The following CUL1 variants were observed in gnomAD, a reference collection of about 807,000 sequenced individuals.
CUL1 encodes cullin 1.
CUL1 carries 24 observed loss-of-function variants against 118.0 expected under a neutral mutation model. The observed-to-expected ratio is 0.20, with a 90% CI of 0.15 to 0.29. CUL1 has a LOEUF of 0.29. Among genes scored for constraint, CUL1 ranks in the 10% least tolerant of loss-of-function variants. The pLI, the probability that CUL1 is intolerant of heterozygous loss-of-function variation, is 1.00. For synonymous variants in CUL1, 332 were observed against 340.4 expected (o/e 0.98, Z 0.27); for missense variants, 361 against 933.8 (o/e 0.39, Z 7.99).
At chr7:148,742,051 T>A (rs1304521078) in intron 2 of CUL1, among the ~76,000 whole-genome samples, 1 of 152,248 alleles carries the variant, frequency 6.6e-6, no homozygotes, top group Admixed American at 6.5e-5. Context: ...CCAATGTTGT[T>A]CTTTTTGTAG....
intron 7 of CUL1, among the ~76,000 whole-genome samples, chr7:148,762,802 T>C (rs1010739705): frequency 4.6e-5 from 7 of 152,194 alleles, no homozygotes; most frequent in Admixed American, 3.9e-4. Context: ...GAAACCAGTG[T>C]TCTAGGGCAG....
At chr7:148,789,232 TA>T (rs1217999895) in intron 14 of CUL1, among the ~76,000 whole-genome samples, 3 of 152,250 alleles carry the variant, frequency 2.0e-5, no homozygotes, top group African/African-American at 7.2e-5. Flanking sequence ...AATTCTATTG[TA>T]AAACTGGACA....
At chr7:148,722,566 G>A (rs1031642258) in intron 1 of CUL1, among the ~76,000 whole-genome samples, 2 of 152,164 alleles carry the variant, frequency 1.3e-5, no homozygotes, top group Admixed American at 6.5e-5. Flanking sequence ...GTTGACAGCC[G>A]TAGACCCAGA....
chr7:148,748,622 A>G (rs989449732), intron 2 of CUL1, among the ~76,000 whole-genome samples: 3 of 152,210 alleles, frequency 2.0e-5, no homozygotes, highest in African/African-American at 7.2e-5. Flanking sequence ...CAGAAACAAT[A>G]TAGAAGATCT....
chr7:148,786,489 T>G, intron 11 of CUL1, 62 bp from the exon 12 acceptor site: 1 of 1,256,932 alleles, frequency 8.0e-7, no homozygotes, highest in Non-Finnish European at 1.2e-6. Flanking sequence ...GCATTCTGGC[T>G]AAGTGGTGCT....
chr7:148,739,984 A>G (rs765998908), intron 2 of CUL1, among the ~76,000 whole-genome samples: 10 of 151,758 alleles, frequency 6.6e-5, no homozygotes, highest in African/African-American at 2.4e-4. Flanking sequence ...CTTTTCCTCA[A>G]TGGACTGTCA....
At chr7:148,784,911 T>G (rs1313308721) in intron 11 of CUL1, among the ~76,000 whole-genome samples, 1 of 152,146 alleles carries the variant, frequency 6.6e-6, no homozygotes, top group African/African-American at 2.4e-5. Flanking sequence ...TTAAGTAAAA[T>G]ATTAACAAGC....
chr7:148,733,644 G>C (rs1162058527), intron 2 of CUL1, among the ~76,000 whole-genome samples: 1 of 151,080 alleles, frequency 6.6e-6, no homozygotes, highest in African/African-American at 2.5e-5. Flanking sequence ...GAGGTGCTTT[G>C]GACCGGGGAA....
intron 1 of CUL1, among the ~76,000 whole-genome samples, chr7:148,711,097 G>A (rs905635768): frequency 6.6e-6 from 1 of 152,110 alleles, no homozygotes; most frequent in Non-Finnish European, 1.5e-5. Flanking sequence ...ACAGATTTTT[G>A]TGAGCTCAGA....
chr7:148,790,572 A>C lies in CUL1; in HGVS notation c.1806+131A>C. ...TCTGGTGAAATAGTGGCAGGTTTAA[A>C]GCATGGAGTTGTAAGAATCAGATGA... On this transcript the variant is annotated intron_variant, in intron 16 of 21. Transcript: ENST00000325222. 3 of 765,160 alleles carry C rather than the reference A, an allele frequency of 3.9e-6. No homozygotes were observed. In the South Asian group the frequency reaches 5.6e-5, roughly 14 times the overall value. 47.4% of individuals were successfully genotyped at this position (765,160 alleles called of 1,614,324 possible).
intron 7 of CUL1, among the ~76,000 whole-genome samples, chr7:148,760,774 T>C (rs1799802651): frequency 1.3e-5 from 2 of 152,240 alleles, no homozygotes; most frequent in South Asian, 4.1e-4. Flanking sequence ...TGTGGATTTA[T>C]ATAAAATGGG....
intron 9 of CUL1, among the ~76,000 whole-genome samples, chr7:148,771,754 C>CTTG: frequency 6.6e-6 from 1 of 152,260 alleles, no homozygotes; most frequent in African/African-American, 2.4e-5. Flanking sequence ...GGAGAAATGG[C>CTTG]TTGTTTAATA....
At chr7:148,775,467 A>C (rs1230536132) in intron 9 of CUL1, among the ~76,000 whole-genome samples, 5 of 152,200 alleles carry the variant, frequency 3.3e-5, no homozygotes, top group Non-Finnish European at 7.3e-5. Context: ...TGATTTTACT[A>C]TTCTTTTCTC....
intron 9 of CUL1, among the ~76,000 whole-genome samples, chr7:148,774,034 A>G (rs1449707277): frequency 1.3e-5 from 2 of 152,204 alleles, no homozygotes; most frequent in Admixed American, 6.5e-5. Flanking sequence ...TGCTCACACA[A>G]TACGTGAAAT....
chr7:148,741,733 C>T (rs561942605), intron 2 of CUL1, among the ~76,000 whole-genome samples: 51 of 146,124 alleles, frequency 3.5e-4, no homozygotes, highest in African/African-American at 1.3e-3. Context: ...ATCACCATGC[C>T]CAGCTAATTT....
chr7:148,735,301 A>G (rs531793179), intron 2 of CUL1, among the ~76,000 whole-genome samples: 6 of 152,312 alleles, frequency 3.9e-5, no homozygotes, highest in Admixed American at 3.3e-4. Flanking sequence ...CTTTGCAGGG[A>G]CACCGTGCCA....
intron 1 of CUL1, among the ~76,000 whole-genome samples, chr7:148,720,172 ACG>A (rs1798354589): frequency 4.6e-5 from 7 of 152,306 alleles, no homozygotes; most frequent in African/African-American, 1.7e-4. Context: ...GGTAAATAAA[ACG>A]CAGCGTATAG....
In CUL1 at chr7:148,800,731, AT is replaced by A; in HGVS notation, c.*152del. 1 of 625,598 alleles carries A rather than the reference AT, an allele frequency of 1.6e-6. No individual in the cohort carries two copies. Among genetic ancestry groups the A allele is most frequent in the African/African-American group, 1.8e-5 (1 of 54,174 alleles). The allele number at this position is 625,598 out of a possible 1,614,324, so 38.8% of individuals were successfully genotyped here. ...CAAGACTCCCATCAGCTGGTCTCGG[AT>A]TTACATCGGAACTGCTCAGGATTGA... On this transcript the variant is annotated 3_prime_UTR_variant, in exon 22 of 22. Coordinates refer to ENST00000325222, the MANE Select transcript of CUL1 (RefSeq NM_003592.3). The surrounding 1 kb of genome is among the most constrained non-coding windows in gnomAD (Gnocchi z 4.6).
At chr7:148,701,705 A>G (rs896640516) in intron 1 of CUL1, among the ~76,000 whole-genome samples, 3 of 152,192 alleles carry the variant, frequency 2.0e-5, no homozygotes, top group Non-Finnish European at 2.9e-5. Context: ...CATTCATCAG[A>G]ATGTCATTCC....
Sources: allele counts gnomAD v4.1 joint callset (sites outside exome capture counted in the v4.1 genomes callset), GRCh38; gene constraint gnomAD v4.1.1; non-coding constraint Gnocchi (gnomAD v3.1); transcripts MANE v1.5; gene names NCBI Gene and HGNC (gene_info 2026-07-23, HGNC 2026-07-21).